Variants in UBE2W observed in about 807,000 individuals in gnomAD.
UBE2W encodes the protein ubiquitin-conjugating enzyme E2 W.
In UBE2W, 18 loss-of-function variants were observed where a neutral mutation model predicts 27.2. The observed-to-expected ratio is 0.66, with a 90% CI of 0.46 to 0.98. The LOEUF (loss-of-function observed/expected upper bound fraction) is 0.98. UBE2W is among the 50% of genes least tolerant of loss of function. The pLI is 0.00. For missense variants in UBE2W, 90 were observed against 180.2 expected, an observed-to-expected ratio of 0.50 and a Z score of 2.87; for synonymous variants, 53 against 57.2, an observed-to-expected ratio of 0.93 and a Z score of 0.33.
At chr8:73,866,470 T>C (rs898671639) in intron 1 of UBE2W, among the ~76,000 whole-genome samples, 2 of 151,028 alleles carry the variant, frequency 1.3e-5, no homozygotes, top group Non-Finnish European at 2.9e-5. Flanking sequence ...CTTGGTCCTA[T>C]ACAACTTCAA....
intron 1 of UBE2W, among the ~76,000 whole-genome samples, chr8:73,837,266 A>G (rs1190568379): frequency 6.6e-5 from 10 of 152,192 alleles, no homozygotes; most frequent in African/African-American, 2.4e-4. Flanking sequence ...TAATCCCAGC[A>G]CTCTGGGAGG....
intron 1 of UBE2W, among the ~76,000 whole-genome samples, chr8:73,835,404 A>G (rs527759216): frequency 2.0e-5 from 3 of 152,314 alleles, no homozygotes; most frequent in Admixed American, 1.3e-4. Flanking sequence ...AATGGAATAC[A>G]GCAGAAATGG....
intron 3 of UBE2W, among the ~76,000 whole-genome samples, chr8:73,812,214 CCACT>C (rs1412171899): frequency 6.8e-6 from 1 of 146,982 alleles, no homozygotes; most frequent in Admixed American, 6.7e-5. Context: ...CTCTCCATTC[CCACT>C]AATAAAAAAA....
At position 73,805,472 on chromosome 8, in the gene UBE2W, C is replaced by CAAAAAAAAAAAAAAAAACAAACAAAA; in HGVS notation, c.442+178_442+179insTTTTGTTTGTTTTTTTTTTTTTTTTT. ...TCCATCTCAAAAAAAAAAAAAAAAA[C>CAAAAAAAAAAAAAAAAACAAACAAAA]AAAAAAAACTAGGGTAATTCATCCA... On this transcript the variant is annotated intron_variant, in intron 5 of 5. Transcript: ENST00000602593. Among the ~76,000 whole-genome samples the CAAAAAAAAAAAAAAAAACAAACAAAA allele has an allele frequency of 8.5e-4, 37 of 43,694 alleles. 3 individuals are homozygous for CAAAAAAAAAAAAAAAAACAAACAAAA. Among genetic ancestry groups the CAAAAAAAAAAAAAAAAACAAACAAAA allele is most frequent in the Non-Finnish European group, 1.6e-3 (32 of 20,122 alleles). 28.7% of individuals were successfully genotyped at this position (43,694 alleles called of 152,430 possible). A position where few individuals can be genotyped will look rare whatever the true frequency, so the allele number is the denominator to read the frequency against.
chr8:73,840,199 G>C (rs1009756188), intron 1 of UBE2W, among the ~76,000 whole-genome samples: 2 of 152,094 alleles, frequency 1.3e-5, no homozygotes, highest in African/African-American at 4.8e-5. Flanking sequence ...TGGGACTACA[G>C]GTGCCTGCCA....
intron 5 of UBE2W, among the ~76,000 whole-genome samples, chr8:73,801,201 C>G (rs1808626704): frequency 6.6e-6 from 1 of 152,136 alleles, no homozygotes; most frequent in Non-Finnish European, 1.5e-5. Flanking sequence ...TATTCAAAAG[C>G]AGGTAAGAAG....
rs899803152 is a variant in UBE2W, at chr8:73,787,091, A to C, written c.*7011T>G. 14 of 985,316 alleles carry C rather than the reference A, an allele frequency of 1.4e-5. No homozygotes were observed. In the African/African-American group the frequency reaches 2.4e-4, roughly 17 times the overall value. 61.0% of individuals were successfully genotyped at this position (985,316 alleles called of 1,614,324 possible). A position where few individuals can be genotyped will look rare whatever the true frequency, so the allele number is the denominator to read the frequency against. On this transcript the variant is annotated 3_prime_UTR_variant, in exon 6 of 6. Coordinates refer to ENST00000602593, the MANE Select transcript of UBE2W (RefSeq NM_018299.6). ...TTATTTCCATAATCCACTTAACTGTAAAGGGCGTAGGGATTCCCACTTATG... is the reference window on the plus strand; with the variant it reads ...TTATTTCCATAATCCACTTAACTGTCAAGGGCGTAGGGATTCCCACTTATG...
intron 1 of UBE2W, among the ~76,000 whole-genome samples, chr8:73,867,735 T>C (rs79051444): frequency 6.6e-6 from 1 of 150,574 alleles, no homozygotes; most frequent in Non-Finnish European, 1.5e-5. Flanking sequence ...AAAAAAATTA[T>C]TGGGCAAAAA....
At chr8:73,798,068 G>T (rs1244589780) in intron 5 of UBE2W, among the ~76,000 whole-genome samples, 1 of 152,132 alleles carries the variant, frequency 6.6e-6, no homozygotes, top group Non-Finnish European at 1.5e-5. Flanking sequence ...CGGGCAGATT[G>T]CTTGAGTCCA....
At chr8:73,856,801 G>A (rs2130961908) in intron 1 of UBE2W, among the ~76,000 whole-genome samples, 1 of 152,054 alleles carries the variant, frequency 6.6e-6, no homozygotes, top group Admixed American at 6.5e-5. Context: ...CGCCTCCTGG[G>A]TTCAAGCCAT....
chr8:73,820,771 AC>A (rs1311182568), intron 3 of UBE2W, among the ~76,000 whole-genome samples: 68 of 151,646 alleles, frequency 4.5e-4, no homozygotes, highest in African/African-American at 9.9e-4. Context: ...AAACAAACAA[AC>A]AAACAAACAA....
At chr8:73,827,503 C>G (rs146693732) in intron 2 of UBE2W, among the ~76,000 whole-genome samples, 9 of 152,154 alleles carry the variant, frequency 5.9e-5, no homozygotes, top group African/African-American at 2.2e-4. Context: ...TGTGAACCAC[C>G]GCACCTGGCC....
At chr8:73,871,514 A>G (rs1038011585) in intron 1 of UBE2W, among the ~76,000 whole-genome samples, 8 of 152,216 alleles carry the variant, frequency 5.3e-5, no homozygotes, top group African/African-American at 1.9e-4. Flanking sequence ...TGTGTTCTTT[A>G]TCTCTAATGA....
chr8:73,850,422 C>A (rs988328618), intron 1 of UBE2W, among the ~76,000 whole-genome samples: 3 of 151,930 alleles, frequency 2.0e-5, no homozygotes, highest in Admixed American at 1.3e-4. Context: ...AAATGTGTTA[C>A]AACATTTAAA....
chr8:73,826,859 C>A (rs1216310827), intron 2 of UBE2W, among the ~76,000 whole-genome samples: 2 of 152,208 alleles, frequency 1.3e-5, no homozygotes, highest in African/African-American at 2.4e-5. Context: ...AAACCTAGCA[C>A]ATTCCTGACT....
Position 73,792,264 on chromosome 8 carries a change from A to C in UBE2W, c.*1838T>G, listed in dbSNP as rs1201338666. The C allele has an allele frequency of 1.0e-6, 1 of 985,608 alleles. No homozygotes were observed. Among genetic ancestry groups the C allele is most frequent in the East Asian group, 1.1e-4 (1 of 8,834 alleles). 61.1% of individuals were successfully genotyped at this position (985,608 alleles called of 1,614,324 possible). ...ATTTATCTAGTCAAGATAGAACAAA[A>C]ACGGTTATAATTTTTTAAAAGTGGT... On this transcript the variant is annotated 3_prime_UTR_variant, in exon 6 of 6. Transcript: ENST00000602593.
At chr8:73,841,551 A>G (rs1810534934) in intron 1 of UBE2W, among the ~76,000 whole-genome samples, 1 of 152,206 alleles carries the variant, frequency 6.6e-6, no homozygotes, top group Non-Finnish European at 1.5e-5. Flanking sequence ...TAATTTCTCC[A>G]TGCTTTCAGA....
intron 5 of UBE2W, among the ~76,000 whole-genome samples, chr8:73,794,461 G>C (rs1808330376): frequency 6.6e-6 from 1 of 152,164 alleles, no homozygotes; most frequent in African/African-American, 2.4e-5. Context: ...TAATGAGACA[G>C]AAGTAAACTC....
At chr8:73,870,575 A>C (rs1420918774) in intron 1 of UBE2W, among the ~76,000 whole-genome samples, 1 of 152,122 alleles carries the variant, frequency 6.6e-6, no homozygotes, top group Non-Finnish European at 1.5e-5. Context: ...ATTCAAACCC[A>C]AGGTTATCTG....
Sources: allele counts gnomAD v4.1 joint callset (sites outside exome capture counted in the v4.1 genomes callset), GRCh38; gene constraint gnomAD v4.1.1; transcripts MANE v1.5; gene names NCBI Gene and HGNC (gene_info 2026-07-23, HGNC 2026-07-21).